Variants in SLC44A5 observed in about 807,000 individuals in gnomAD.
SLC44A5 encodes choline transporter-like protein 5.
In SLC44A5, 57 loss-of-function variants were observed where a neutral mutation model predicts 101.8. The observed-to-expected ratio is 0.56, with a 90% CI of 0.45 to 0.70. The LOEUF is 0.70. Ranked by LOEUF, SLC44A5 falls within the 30% of genes least tolerant of loss-of-function variation. SLC44A5 has a pLI of 0.00. For synonymous variants in SLC44A5, 281 were observed against 290.9 expected, an observed-to-expected ratio of 0.97 and a Z score of 0.35; for missense variants, 737 against 853.1, an observed-to-expected ratio of 0.86 and a Z score of 1.70.
chr1:75,297,048 C>T (rs1196386732), intron 5 of SLC44A5, among the ~76,000 whole-genome samples: 1 of 152,134 alleles, frequency 6.6e-6, no homozygotes, highest in Non-Finnish European at 1.5e-5. Flanking sequence ...AGCTGCTACA[C>T]ATAGCTTGAG....
chr1:75,418,701 T>C lies in SLC44A5; in HGVS notation c.14-22080A>G, dbSNP rs185327432. On this transcript the variant is annotated intron_variant, in intron 2 of 23. Transcript: ENST00000370859. ...CCAGATCATGCAGGGCCTCTGTGCC[T>C]GGAAAAGGATTTGGGATGTTATCCT... Among the ~76,000 whole-genome samples the C allele has an allele frequency of 2.6e-4, 40 of 152,324 alleles. No homozygotes were observed. The Middle Eastern group carries it at 0.01, about 39-fold the overall frequency.
At chr1:75,402,323 G>T (rs530298054) in intron 2 of SLC44A5, 2 of 236,840 alleles carry the variant, frequency 8.4e-6, no homozygotes, top group African/African-American at 4.5e-5. Flanking sequence ...TCTGTAAAAT[G>T]GGATGGAGCT....
intron 3 of SLC44A5, among the ~76,000 whole-genome samples, chr1:75,391,323 C>T (rs1030642709): frequency 6.6e-6 from 1 of 152,118 alleles, no homozygotes; most frequent in African/African-American, 2.4e-5. Flanking sequence ...AAACCACCAA[C>T]ACCATTTTTT....
chr1:75,447,758 T>C (rs976593244), intron 2 of SLC44A5, among the ~76,000 whole-genome samples: 2 of 152,308 alleles, frequency 1.3e-5, no homozygotes, highest in Non-Finnish European at 1.5e-5. Context: ...TTTTGCCTTA[T>C]TTGCACCTTG....
At chr1:75,229,011 T>G (rs1278455005) in intron 12 of SLC44A5, among the ~76,000 whole-genome samples, 1 of 151,916 alleles carries the variant, frequency 6.6e-6, no homozygotes, top group Non-Finnish European at 1.5e-5. Flanking sequence ...ATTTATATTC[T>G]TTGCTCACTA....
intron 2 of SLC44A5, among the ~76,000 whole-genome samples, chr1:75,400,389 G>A (rs1343518): frequency 0.35 from 52,837 of 151,958 alleles, 10,294 homozygotes; most frequent in East Asian, 0.84. Flanking sequence ...ATTAAAAATA[G>A]TTACTTTGAA....
chr1:75,390,195 G>A (rs1661690258), intron 3 of SLC44A5, among the ~76,000 whole-genome samples: 1 of 151,954 alleles, frequency 6.6e-6, no homozygotes, highest in South Asian at 2.1e-4. Flanking sequence ...AAGCCCTGTA[G>A]CAGACAAACT....
intron 2 of SLC44A5, among the ~76,000 whole-genome samples, chr1:75,429,549 A>G (rs896668044): frequency 1.3e-5 from 2 of 152,204 alleles, no homozygotes; most frequent in African/African-American, 2.4e-5. Context: ...CTATAAAGGA[A>G]TACCCGAGAC....
chr1:75,539,651 C>T (rs1379953621), intron 2 of SLC44A5, among the ~76,000 whole-genome samples: 1 of 151,668 alleles, frequency 6.6e-6, no homozygotes, highest in Non-Finnish European at 1.5e-5. Context: ...ATGGCTCAAG[C>T]CTTGAGTAAT....
chr1:75,203,729 ACTG>A lies in SLC44A5; in HGVS notation c.2149_2151del (p.Gln717del). ...TGTAGGACGACCAGTTTGCTCTTCT[ACTG>A]CTTCCTAGTTTGTGGATTTTCCTCC... On this transcript the variant is annotated inframe_deletion, in exon 24 of 24. Coordinates refer to ENST00000370859, the MANE Select transcript of SLC44A5 (RefSeq NM_001130058.2). 2 of 1,548,376 alleles carry A rather than the reference ACTG, an allele frequency of 1.3e-6. No individual in the cohort carries two copies. The highest frequency in any genetic ancestry group is 1.7e-6 in the Non-Finnish European group (2 of 1,145,506).
the SLC44A5 span, among the ~76,000 whole-genome samples, chr1:75,629,871 G>A: frequency 1.7e-4 from 26 of 152,196 alleles, no homozygotes; most frequent in African/African-American, 6.0e-4. Context: ...AGATGAAAGG[G>A]AAGAACGCAA....
intron 3 of SLC44A5, among the ~76,000 whole-genome samples, chr1:75,395,558 C>T (rs1008869674): frequency 1.3e-5 from 2 of 152,056 alleles, no homozygotes; most frequent in African/African-American, 4.8e-5. Flanking sequence ...CAAACAGCAG[C>T]ATCTAAGTAG....
the SLC44A5 span, among the ~76,000 whole-genome samples, chr1:75,638,092 ATTG>A: frequency 2.6e-5 from 4 of 152,032 alleles, no homozygotes; most frequent in East Asian, 1.9e-4. Flanking sequence ...TTACATGGCA[ATTG>A]TTGTATTAAC....
chr1:75,425,480 C>T (rs1664255131), intron 2 of SLC44A5, among the ~76,000 whole-genome samples: 1 of 152,196 alleles, frequency 6.6e-6, no homozygotes. Flanking sequence ...TAGAGGAACA[C>T]TGTCAGCAAT....
the SLC44A5 span, among the ~76,000 whole-genome samples, chr1:75,683,689 T>C: frequency 6.6e-6 from 1 of 152,040 alleles, no homozygotes; most frequent in East Asian, 1.9e-4. Context: ...CGCACCAGCA[T>C]GGCACATGTA....
chr1:75,468,192 A>G (rs1557816255), intron 2 of SLC44A5, among the ~76,000 whole-genome samples: 4 of 152,298 alleles, frequency 2.6e-5, no homozygotes, highest in Non-Finnish European at 5.9e-5. Flanking sequence ...AGGAGAGGAG[A>G]AAAGGGAACT....
intron 3 of SLC44A5, among the ~76,000 whole-genome samples, chr1:75,350,397 G>A (rs1658557865): frequency 6.6e-6 from 1 of 151,848 alleles, no homozygotes; most frequent in Admixed American, 6.6e-5. Flanking sequence ...AGAAATAAAT[G>A]TGTACTGTTT....
At chr1:75,334,489 A>C (rs533457093) in intron 4 of SLC44A5, among the ~76,000 whole-genome samples, 13 of 152,314 alleles carry the variant, frequency 8.5e-5, no homozygotes, top group Admixed American at 7.8e-4. Context: ...AGGTAAAAAG[A>C]AGACAAAATC....
At chr1:75,654,436 T>C in the SLC44A5 span, among the ~76,000 whole-genome samples, 12 of 152,298 alleles carry the variant, frequency 7.9e-5, no homozygotes, top group Non-Finnish European at 1.3e-4. Flanking sequence ...TGTTGCACAT[T>C]CCAAGCACAC....
Sources: gnomAD v4.1 joint callset for allele counts (sites outside exome capture counted in the v4.1 genomes callset) on GRCh38, gnomAD v4.1.1 for gene constraint, MANE v1.5 for transcripts, NCBI Gene and HGNC (gene_info 2026-07-23, HGNC 2026-07-21) for gene names.